FGD6: variants seen among roughly 807,000 people sequenced by gnomAD.
FGD6 encodes FYVE, RhoGEF and PH domain-containing protein 6.
FGD6 carries 90 observed loss-of-function variants against 149.4 expected under a neutral mutation model. That is an observed-to-expected ratio of 0.60 (90% CI 0.51 to 0.72). The LOEUF is 0.72. Among genes scored for constraint, FGD6 ranks in the 30% least tolerant of loss-of-function variants. The pLI is 0.00. For missense variants in FGD6, 1,437 were observed against 1,684.8 expected (o/e 0.85, Z 2.57); for synonymous variants, 527 against 584.0 (o/e 0.90, Z 1.41).
At chr12:95,178,167 G>A (rs1227533700) in intron 2 of FGD6, among the ~76,000 whole-genome samples, 2 of 152,048 alleles carry the variant, frequency 1.3e-5, no homozygotes, top group Non-Finnish European at 2.9e-5. Context: ...TGTTCTTGAG[G>A]TCTACCACCA....
Position 95,198,764 on chromosome 12 carries a change from C to T in FGD6, c.2441+10079G>A, listed in dbSNP as rs567209730. 2.0e-5 allele frequency among the ~76,000 whole-genome samples: 3 copies of T among 152,308 alleles called. No homozygotes were observed. In the South Asian group the frequency reaches 6.2e-4, roughly 32 times the overall value. On this transcript the variant is annotated intron_variant, in intron 2 of 20. Transcript: ENST00000343958. ...ATTACTATTAAGCCTAAAACTCATG[C>T]TATTTATGTGAATGGCACTTCTAAT...
intron 8 of FGD6, among the ~76,000 whole-genome samples, chr12:95,129,291 GCATC>G (rs200303209): frequency 0.52 from 73,422 of 140,886 alleles, 20,400 homozygotes; most frequent in African/African-American, 0.73. Context: ...ATGCATCCAT[GCATC>G]CATGCATGCA....
At position 95,081,454 on chromosome 12, in the gene FGD6, TG is replaced by T; in HGVS notation, c.*65del. 7.4e-7 allele frequency: 1 copy of T among 1,356,908 alleles called. No homozygotes were observed. The highest frequency in any genetic ancestry group is 9.9e-7 in the Non-Finnish European group (1 of 1,006,088). 84.1% of individuals were successfully genotyped at this position (1,356,908 alleles called of 1,614,324 possible). Reference sequence around the variant, plus strand: ...GTTCATTTTTATACAATTTTTGAATTGCATTTACTCCATTCTGATGAAATTC... The same window carrying T: ...GTTCATTTTTATACAATTTTTGAATTCATTTACTCCATTCTGATGAAATTC... On this transcript the variant is annotated 3_prime_UTR_variant, in exon 21 of 21. Transcript: ENST00000343958.
intron 2 of FGD6, among the ~76,000 whole-genome samples, chr12:95,173,728 G>A (rs1219994483): frequency 1.3e-5 from 2 of 151,994 alleles, no homozygotes; most frequent in African/African-American, 2.4e-5. Context: ...GAAGAGTATA[G>A]GTGGGGTCAG....
At chr12:95,214,668 A>G (rs955996234) in intron 1 of FGD6, among the ~76,000 whole-genome samples, 1 of 152,178 alleles carries the variant, frequency 6.6e-6, no homozygotes, top group Non-Finnish European at 1.5e-5. Flanking sequence ...GTAAAGCACT[A>G]GTACCATTTT....
intron 7 of FGD6, among the ~76,000 whole-genome samples, chr12:95,136,178 T>C (rs1416681903): frequency 6.6e-6 from 1 of 151,934 alleles, no homozygotes; most frequent in East Asian, 1.9e-4. Context: ...GCCAACACAG[T>C]GAAACCCTGT....
intron 2 of FGD6, among the ~76,000 whole-genome samples, chr12:95,193,482 T>C (rs1881648341): frequency 6.7e-6 from 1 of 149,688 alleles, no homozygotes. Flanking sequence ...CTCAGCCTCC[T>C]GAGTAGCTGG....
At chr12:95,170,117 T>A (rs1165078687) in intron 3 of FGD6, among the ~76,000 whole-genome samples, 2 of 151,788 alleles carry the variant, frequency 1.3e-5, no homozygotes, top group African/African-American at 2.4e-5. Flanking sequence ...CAAGACTCCG[T>A]CTCAAAAAAA....
rs1420472744 is a variant in FGD6, at chr12:95,079,790, T to TA, written c.*1729dup. 5 of 152,082 alleles carry TA rather than the reference T, an allele frequency of 3.3e-5. No homozygotes were observed. Among genetic ancestry groups the TA allele is most frequent in the Non-Finnish European group, 7.3e-5 (5 of 68,040 alleles). 9.4% of individuals were successfully genotyped at this position (152,082 alleles called of 1,614,324 possible). On this transcript the variant is annotated 3_prime_UTR_variant, in exon 21 of 21. Transcript: ENST00000343958. The stretch of plus-strand genomic sequence containing the variant: ...AGATCTAGTAGGGACTCTGGTGCTG[T>TA]ACCAAACAGCATTCAAAAGGCCCCA...
intron 3 of FGD6, among the ~76,000 whole-genome samples, chr12:95,157,246 C>T (rs1350655105): frequency 6.6e-6 from 1 of 152,114 alleles, no homozygotes; most frequent in Non-Finnish European, 1.5e-5. Context: ...ATATGCAATA[C>T]CAAGAAATCC....
Position 95,081,244 on chromosome 12 carries a change from T to C in FGD6, c.*276A>G, listed in dbSNP as rs1877663087. Reference sequence around the variant, plus strand: ...TACAGTATACAGTATTAAGATAGTTTTTCTGGTCTCTAAAGAAATGGTACT... The same window carrying C: ...TACAGTATACAGTATTAAGATAGTTCTTCTGGTCTCTAAAGAAATGGTACT... On this transcript the variant is annotated 3_prime_UTR_variant, in exon 21 of 21. Transcript: ENST00000343958. The C allele has an allele frequency of 3.6e-6, 1 of 275,860 alleles. No individual in the cohort carries two copies. The highest frequency in any genetic ancestry group is 2.2e-5 in the African/African-American group (1 of 46,106). 17.1% of individuals were successfully genotyped at this position (275,860 alleles called of 1,614,324 possible). A position where few individuals can be genotyped will look rare whatever the true frequency, so the allele number is the denominator to read the frequency against.
In FGD6 at chr12:95,091,943, CAAT is replaced by C. The variant is rs1878068741; in HGVS notation, c.3748-137_3748-135del. 1.1e-5 allele frequency: 7 copies of C among 643,896 alleles called. No individual in the cohort carries two copies. In the South Asian group the frequency reaches 1.4e-4, roughly 13 times the overall value. 39.9% of individuals were successfully genotyped at this position (643,896 alleles called of 1,614,324 possible). A position where few individuals can be genotyped will look rare whatever the true frequency, so the allele number is the denominator to read the frequency against. ...AGAGTCACTGAGTCTCACTTCGTCT[CAAT>C]AATAACTCTGGAGTTCAGGCATATA... On this transcript the variant is annotated intron_variant, in intron 16 of 20. Coordinates refer to ENST00000343958, the MANE Select transcript of FGD6 (RefSeq NM_018351.4).
At chr12:95,149,612 G>C (rs1880234311) in intron 5 of FGD6, among the ~76,000 whole-genome samples, 1 of 137,860 alleles carries the variant, frequency 7.3e-6, no homozygotes, top group Non-Finnish European at 1.5e-5. Flanking sequence ...TGAGCTGATT[G>C]CACCACTGCA....
chr12:95,199,404 T>C (rs1178054136), intron 2 of FGD6, among the ~76,000 whole-genome samples: 1 of 152,178 alleles, frequency 6.6e-6, no homozygotes, highest in African/African-American at 2.4e-5. Context: ...AAAAAAATCC[T>C]TATTTATTTT....
At position 95,108,788 on chromosome 12, in the gene FGD6, A is replaced by T. The variant is rs577723972; in HGVS notation, c.3134-227T>A. Reference sequence around the variant, plus strand: ...AACCTGGCCAAAACAATATATAGGGAAACAATGAGCCAAAAGAAGACTCTA... The same window carrying T: ...AACCTGGCCAAAACAATATATAGGGTAACAATGAGCCAAAAGAAGACTCTA... On this transcript the variant is annotated intron_variant, in intron 9 of 20. Transcript: ENST00000343958. Among the ~76,000 whole-genome samples, 12 of 152,204 alleles carry T rather than the reference A, an allele frequency of 7.9e-5. No homozygotes were observed. In the South Asian group the frequency reaches 1.9e-3, roughly 24 times the overall value.
chr12:95,156,507 A>G (rs906871866), intron 3 of FGD6, among the ~76,000 whole-genome samples: 1 of 152,148 alleles, frequency 6.6e-6, no homozygotes, highest in African/African-American at 2.4e-5. Context: ...CTGTCTCCTG[A>G]TAAGATGTTA....
intron 17 of FGD6, among the ~76,000 whole-genome samples, chr12:95,090,518 T>C (rs1338132045): frequency 6.6e-6 from 1 of 152,114 alleles, no homozygotes; most frequent in Non-Finnish European, 1.5e-5. Context: ...AGACAAAGAT[T>C]TTTGATGATA....
intron 5 of FGD6, among the ~76,000 whole-genome samples, chr12:95,149,449 A>G (rs1379847466): frequency 7.6e-6 from 1 of 130,838 alleles, no homozygotes; most frequent in African/African-American, 2.8e-5. Flanking sequence ...TATATATAAT[A>G]CATAGTATAT....
chr12:95,128,539 G>A (rs1879416943), intron 8 of FGD6, among the ~76,000 whole-genome samples: 1 of 152,170 alleles, frequency 6.6e-6, no homozygotes, highest in African/African-American at 2.4e-5. Context: ...CCCTGCCTCT[G>A]ACTTCAAGGG....
Sources: gnomAD v4.1 joint callset for allele counts (sites outside exome capture counted in the v4.1 genomes callset) on GRCh38, gnomAD v4.1.1 for gene constraint, MANE v1.5 for transcripts, NCBI Gene and HGNC (gene_info 2026-07-23, HGNC 2026-07-21) for gene names.